The following RIMS1 variants were observed in gnomAD, a reference collection of about 807,000 sequenced individuals.
The protein encoded by RIMS1 is regulating synaptic membrane exocytosis 1.
A neutral mutation model predicts 214.1 loss-of-function variants in RIMS1; 83 were observed. That is an observed-to-expected ratio of 0.39 (90% CI 0.32 to 0.47). The LOEUF (loss-of-function observed/expected upper bound fraction) is 0.47. Ranked by LOEUF, RIMS1 falls within the 20% of genes least tolerant of loss-of-function variation. RIMS1 has a pLI of 0.99. For missense variants in RIMS1, 2,050 were observed against 2,161.8 expected, an observed-to-expected ratio of 0.95 and a Z score of 1.03; for synonymous variants, 793 against 786.8, an observed-to-expected ratio of 1.01 and a Z score of -0.13.
At chr6:72,381,143 T>C (rs915042945) in intron 29 of RIMS1, among the ~76,000 whole-genome samples, 57 of 152,190 alleles carry the variant, frequency 3.7e-4, no homozygotes, top group African/African-American at 1.4e-3. Context: ...TGAGGCTCTC[T>C]CCTTGGCTTG....
chr6:72,203,862 T>G (rs946034325), intron 6 of RIMS1, among the ~76,000 whole-genome samples: 1 of 152,172 alleles, frequency 6.6e-6, no homozygotes, highest in Non-Finnish European at 1.5e-5. Flanking sequence ...TGAGTATTGT[T>G]ATTGGCAAAT....
chr6:71,954,813 C>T (rs1278654578), intron 1 of RIMS1, among the ~76,000 whole-genome samples: 4 of 150,694 alleles, frequency 2.7e-5, no homozygotes, highest in African/African-American at 9.8e-5. Context: ...ACAACTCAAA[C>T]CAAGCTATAA....
intron 2 of RIMS1, among the ~76,000 whole-genome samples, chr6:72,038,709 G>C (rs752624068): frequency 2.0e-5 from 3 of 152,128 alleles, no homozygotes; most frequent in Admixed American, 2.0e-4. Flanking sequence ...TGCATATTTT[G>C]TTCCTCAAAG....
chr6:71,933,691 C>A (rs1411963089), intron 1 of RIMS1, among the ~76,000 whole-genome samples: 1 of 149,378 alleles, frequency 6.7e-6, no homozygotes, highest in East Asian at 2.0e-4. Flanking sequence ...ATCACACACA[C>A]ACACACACAC....
chr6:72,271,390 AAC>A (rs1170527683), intron 22 of RIMS1, among the ~76,000 whole-genome samples: 58 of 150,726 alleles, frequency 3.8e-4, no homozygotes, highest in African/African-American at 1.1e-3. Flanking sequence ...ATTAATTGAA[AAC>A]ACAATAAAAA....
At chr6:71,914,142 T>C (rs1777687288) in intron 1 of RIMS1, among the ~76,000 whole-genome samples, 1 of 152,122 alleles carries the variant, frequency 6.6e-6, no homozygotes, top group Non-Finnish European at 1.5e-5. Flanking sequence ...TCTATGAGAG[T>C]GACTTGTATA....
At chr6:71,959,574 T>G (rs1792296913) in intron 1 of RIMS1, among the ~76,000 whole-genome samples, 1 of 151,746 alleles carries the variant, frequency 6.6e-6, no homozygotes, top group African/African-American at 2.4e-5. Context: ...GGCATCAATT[T>G]CCCCCTCTGC....
At chr6:72,050,236 T>C (rs1245189509) in intron 2 of RIMS1, among the ~76,000 whole-genome samples, 1 of 152,172 alleles carries the variant, frequency 6.6e-6, no homozygotes, top group Non-Finnish European at 1.5e-5. Flanking sequence ...GAAAATGTTT[T>C]GATTGACAAC....
chr6:71,889,176 G>T (rs193096521), intron 1 of RIMS1, among the ~76,000 whole-genome samples: 18 of 152,284 alleles, frequency 1.2e-4, no homozygotes, highest in Admixed American at 1.1e-3. Context: ...GAAGGGGAAG[G>T]CACGGTGCAA....
Position 72,357,295 on chromosome 6 carries a change from C to T in RIMS1, c.4366+23460C>T, listed in dbSNP as rs536160319. 5.9e-5 allele frequency among the ~76,000 whole-genome samples: 9 copies of T among 152,310 alleles called. No individual in the cohort carries two copies. The South Asian group carries it at 1.9e-3, about 32-fold the overall frequency. Reference sequence around the variant, plus strand: ...ACTTTGGGCTGAAATGTTCTCATAGCAGCCCAAGGGCATCCTGCAATCCAC... The same window carrying T: ...ACTTTGGGCTGAAATGTTCTCATAGTAGCCCAAGGGCATCCTGCAATCCAC... On this transcript the variant is annotated intron_variant, in intron 29 of 33. Transcript: ENST00000521978.
At chr6:72,072,566 C>A (rs529826581) in intron 2 of RIMS1, among the ~76,000 whole-genome samples, 4 of 152,074 alleles carry the variant, frequency 2.6e-5, no homozygotes, top group Admixed American at 6.6e-5. Flanking sequence ...ATATGTATGG[C>A]GGGGAAGAAA....
At chr6:72,363,128 C>A (rs946637646) in intron 29 of RIMS1, among the ~76,000 whole-genome samples, 2 of 151,974 alleles carry the variant, frequency 1.3e-5, no homozygotes, top group African/African-American at 4.8e-5. Flanking sequence ...ACTTCAGGAC[C>A]TGAGGGATTA....
chr6:72,122,135 G>T (rs1217217021), intron 4 of RIMS1, among the ~76,000 whole-genome samples: 1 of 151,050 alleles, frequency 6.6e-6, no homozygotes, highest in African/African-American at 2.4e-5. Flanking sequence ...TTGTGTCTCT[G>T]CCAGGCTTTG....
At chr6:72,194,333 A>C (rs1283097248) in intron 6 of RIMS1, among the ~76,000 whole-genome samples, 1 of 152,150 alleles carries the variant, frequency 6.6e-6, no homozygotes, top group Non-Finnish European at 1.5e-5. Context: ...TTACACATAT[A>C]AGTTAAACAT....
chr6:71,908,639 C>T (rs948239533), intron 1 of RIMS1, among the ~76,000 whole-genome samples: 7 of 152,172 alleles, frequency 4.6e-5, no homozygotes, highest in African/African-American at 9.7e-5. Context: ...CTGGGTGAGG[C>T]AGAAAGCACA....
chr6:72,323,080 T>G (rs1474542577), intron 28 of RIMS1, among the ~76,000 whole-genome samples: 1 of 152,054 alleles, frequency 6.6e-6, no homozygotes, highest in Non-Finnish European at 1.5e-5. Flanking sequence ...TTTAAATATC[T>G]CAGAAGGGCC....
At chr6:72,086,474 A>G (rs752786809) in intron 2 of RIMS1, among the ~76,000 whole-genome samples, 14 of 152,168 alleles carry the variant, frequency 9.2e-5, no homozygotes, top group African/African-American at 2.7e-4. Context: ...TGCAATTGCA[A>G]TTGCTTCTTT....
intron 2 of RIMS1, among the ~76,000 whole-genome samples, chr6:72,074,431 A>T (rs1437479051): frequency 6.6e-6 from 1 of 152,210 alleles, no homozygotes; most frequent in African/African-American, 2.4e-5. Context: ...AGGAAGTCTG[A>T]GGTGGGTGGA....
chr6:72,185,043 G>A (rs12663995), intron 6 of RIMS1, among the ~76,000 whole-genome samples: 40,216 of 151,902 alleles, frequency 0.26, 6,048 homozygotes, highest in Non-Finnish European at 0.34. Flanking sequence ...TTGCTAGTAA[G>A]GGACTGTCTT....
Sources: allele counts gnomAD v4.1 joint callset (sites outside exome capture counted in the v4.1 genomes callset), GRCh38; gene constraint gnomAD v4.1.1; transcripts MANE v1.5; gene names NCBI Gene and HGNC (gene_info 2026-07-23, HGNC 2026-07-21).